RPTOR: variants seen among roughly 807,000 people sequenced by gnomAD.
RPTOR encodes the protein regulatory associated protein of MTOR complex 1, also known as regulatory-associated protein of mTOR.
A neutral mutation model predicts 169.9 loss-of-function variants in RPTOR; 21 were observed. That is an observed-to-expected ratio of 0.12 (90% CI 0.09 to 0.18). RPTOR has a LOEUF of 0.18. RPTOR is among the 10% of genes least tolerant of loss of function. The probability of loss-of-function intolerance (pLI) is 1.00; values close to 1 mark genes in which losing one functional copy is unlikely to be tolerated. For missense variants in RPTOR, 1,133 were observed against 1,855.9 expected (o/e 0.61, Z 7.16); for synonymous variants, 732 against 753.2 (o/e 0.97, Z 0.46).
rs143802144 is a variant in RPTOR at position 80,961,453 on chromosome 17, G to A, written c.3665G>A (p.Arg1222His). The A allele has an allele frequency of 7.7e-6, 12 of 1,551,252 alleles. No individual in the cohort carries two copies. Among genetic ancestry groups the A allele is most frequent in the South Asian group, 1.2e-5 (1 of 84,140 alleles). Residue 1222 changes from arginine to histidine, a missense_variant, in exon 31 of 34, where the codon CGT (arginine) becomes CAT (histidine). Physicochemically the swap from Arg to His is conservative, Grantham distance 29. Around this residue, in one of 9 missense-constraint regions of RPTOR, gnomAD observed 410 missense variants for 623.7 expected, o/e 0.66. Coordinates refer to ENST00000306801, the MANE Select transcript of RPTOR (RefSeq NM_020761.3). ...AWVVKASLQK[R>H]PDGHIVSVSV... is the part of the protein sequence containing the mutation. The stretch of plus-strand genomic sequence containing the variant: ...GTGGTGAAGGCCTCCCTGCAGAAGC[G>A]TCCCGACGGCCACATCGTGAGTGTG...
intron 1 of RPTOR, 22 bp from the exon 2 acceptor site, chr17:80,625,669 T>C: frequency 6.6e-7 from 1 of 1,510,190 alleles, no homozygotes; most frequent in Non-Finnish European, 9.2e-7. Flanking sequence ...TATTTATTTA[T>C]TTTTTTCTGT....
rs1046562016 is a variant in RPTOR, at chr17:80,878,888, C to T, written c.1510-1527C>T. The stretch of plus-strand genomic sequence containing the variant: ...GTGTGGCTTCCGGTAACACTGCCAG[C>T]CTCAGAGCCGGCCTGTTTCCTCCAG... On this transcript the variant is annotated intron_variant, in intron 13 of 33. Transcript: ENST00000306801. This position sits in a 1 kb window ranked among gnomAD's most constrained non-coding sequence, Gnocchi z 4.1. 3.3e-5 allele frequency among the ~76,000 whole-genome samples: 5 copies of T among 152,190 alleles called. No individual in the cohort carries two copies. Among genetic ancestry groups the T allele is most frequent in the African/African-American group, 1.2e-4 (5 of 41,438 alleles).
intron 24 of RPTOR, among the ~76,000 whole-genome samples, chr17:80,930,401 G>C (rs1308326423): frequency 1.2e-3 from 5 of 4,152 alleles, no homozygotes; most frequent in Non-Finnish European, 1.5e-3. Flanking sequence ...CTCATTCTCA[G>C]CTCATCCCCA....
At chr17:80,789,754 A>G (rs1216110290) in intron 6 of RPTOR, among the ~76,000 whole-genome samples, 2 of 152,182 alleles carry the variant, frequency 1.3e-5, no homozygotes, top group East Asian at 3.8e-4. Context: ...ATTCATGCAG[A>G]GTTACTCTCA....
rs28533725 is a variant in RPTOR, at chr17:80,646,841, G to A, written c.348+3031G>A. Among the ~76,000 whole-genome samples, 4,464 of 152,136 alleles carry A rather than the reference G, an allele frequency of 0.029. 220 individuals are homozygous for A. Among genetic ancestry groups the A allele is most frequent in the African/African-American group, 0.1 (4,188 of 41,440 alleles). On this transcript the variant is annotated intron_variant, in intron 3 of 33. Coordinates refer to ENST00000306801, the MANE Select transcript of RPTOR (RefSeq NM_020761.3). The surrounding 1 kb of genome is among the most constrained non-coding windows in gnomAD (Gnocchi z 5.0). ...GAGATTATTTTCATTAAAGTTTGTC[G>A]GAGTCGTTGCCTCCACGCTGGCATG...
chr17:80,822,874 T>G (rs1385158033), intron 8 of RPTOR, among the ~76,000 whole-genome samples: 4 of 152,194 alleles, frequency 2.6e-5, no homozygotes. Flanking sequence ...TGTATGCATG[T>G]GTGCATGTGT....
intron 10 of RPTOR, among the ~76,000 whole-genome samples, chr17:80,842,665 C>T (rs2067684132): frequency 6.6e-6 from 1 of 152,234 alleles, no homozygotes; most frequent in Non-Finnish European, 1.5e-5. Flanking sequence ...TTGTTCTATA[C>T]TTGTACTGGC....
Position 80,798,953 on chromosome 17 carries a change from T to A in RPTOR, c.890+7444T>A, listed in dbSNP as rs561605228. Among the ~76,000 whole-genome samples, 37 of 152,288 alleles carry A rather than the reference T, an allele frequency of 2.4e-4. No individual in the cohort carries two copies. In the South Asian group the frequency reaches 7.5e-3, roughly 31 times the overall value. On this transcript the variant is annotated intron_variant, in intron 7 of 33. Coordinates refer to ENST00000306801, the MANE Select transcript of RPTOR (RefSeq NM_020761.3). ...ACCTGAGATGGAACTCTGGGTTCCC[T>A]GAGTCACACCTACATTAAAACGTAC...
chr17:80,781,241 G>T (rs899888232), intron 6 of RPTOR, among the ~76,000 whole-genome samples: 1 of 152,328 alleles, frequency 6.6e-6, no homozygotes, highest in South Asian at 2.1e-4. Flanking sequence ...GTGCATTTCA[G>T]TTTTTTGTTT....
At chr17:80,858,110 C>T in intron 13 of RPTOR, 1 of 582,702 alleles carries the variant, frequency 1.7e-6, no homozygotes. Context: ...CTGTCCTGTC[C>T]CTGGCCTTCC....
intron 13 of RPTOR, among the ~76,000 whole-genome samples, chr17:80,859,365 G>A (rs570660521): frequency 6.6e-6 from 1 of 152,358 alleles, no homozygotes; most frequent in Admixed American, 6.5e-5. Context: ...TAGAACAAAG[G>A]GTGTGTGCTG....
intron 1 of RPTOR, among the ~76,000 whole-genome samples, chr17:80,598,913 TATCTATC>T (rs2065165340): frequency 5.3e-5 from 8 of 152,002 alleles, no homozygotes; most frequent in Admixed American, 5.2e-4. Context: ...TCTATCTATC[TATCTATC>T]TATCTATCTT....
chr17:80,677,804 T>G (rs1350613923), intron 3 of RPTOR, among the ~76,000 whole-genome samples: 2 of 152,210 alleles, frequency 1.3e-5, no homozygotes, highest in African/African-American at 4.8e-5. Flanking sequence ...CCTTTATTCT[T>G]TCACAGGATA....
chr17:80,625,848 T>G (rs1599611873), intron 2 of RPTOR, 55 bp downstream of exon 2: 4 of 1,285,852 alleles, frequency 3.1e-6, no homozygotes, highest in Non-Finnish European at 4.5e-6. Context: ...GGCTCTGGCC[T>G]GGGCGGGGCT....
chr17:80,844,651 C>T lies in RPTOR; in HGVS notation c.1213-1822C>T, dbSNP rs900206430. ...GGCTGCACAGGAGCACGGATTCCTA[C>T]GTGGTGAATGTTCTCGGCTGACTTT... On this transcript the variant is annotated intron_variant, in intron 10 of 33. Coordinates refer to ENST00000306801, the MANE Select transcript of RPTOR (RefSeq NM_020761.3). This position sits in a 1 kb window ranked among gnomAD's most constrained non-coding sequence, Gnocchi z 4.7. 4.6e-5 allele frequency among the ~76,000 whole-genome samples: 7 copies of T among 152,236 alleles called. No individual in the cohort carries two copies. The highest frequency in any genetic ancestry group is 1.7e-4 in the African/African-American group (7 of 41,462).
At chr17:80,628,108 G>T (rs1367326655) in intron 2 of RPTOR, among the ~76,000 whole-genome samples, 1 of 152,168 alleles carries the variant, frequency 6.6e-6, no homozygotes, top group Non-Finnish European at 1.5e-5. Context: ...AAAGTGCTGG[G>T]ATTACAGGCA....
intron 9 of RPTOR, among the ~76,000 whole-genome samples, chr17:80,837,525 C>T (rs1485014829): frequency 6.6e-6 from 1 of 152,232 alleles, no homozygotes; most frequent in East Asian, 1.9e-4. Flanking sequence ...CCCATCAGAG[C>T]CTGCGCAGGG....
In RPTOR at chr17:80,646,400, G is replaced by A. The variant is rs1418289780; in HGVS notation, c.348+2590G>A. On this transcript the variant is annotated intron_variant, in intron 3 of 33. Transcript: ENST00000306801. The surrounding 1 kb of genome is among the most constrained non-coding windows in gnomAD (Gnocchi z 5.0). ...GGGTAATAATAGCACTTGCCCCGGT[G>A]CGCGTGGCACACTGCTCCTCACAGC... 2.6e-5 allele frequency among the ~76,000 whole-genome samples: 4 copies of A among 152,160 alleles called. No individual in the cohort carries two copies. Among genetic ancestry groups the A allele is most frequent in the East Asian group, 1.9e-4 (1 of 5,198 alleles).
At chr17:80,812,292 C>T (rs2067280991) in intron 7 of RPTOR, among the ~76,000 whole-genome samples, 2 of 151,990 alleles carry the variant, frequency 1.3e-5, no homozygotes, top group South Asian at 2.1e-4. Flanking sequence ...GTCTTGTCAG[C>T]TGCTTTTCTT....
Sources: gnomAD v4.1 joint callset for allele counts (sites outside exome capture counted in the v4.1 genomes callset) on GRCh38, gnomAD v4.1.1 for gene constraint, gnomAD v4.1.1 regional missense constraint, Gnocchi (gnomAD v3.1) non-coding constraint, MANE v1.5 for transcripts, NCBI Gene and HGNC (gene_info 2026-07-23, HGNC 2026-07-21) for gene names.